Variants in ATAD2B observed in about 807,000 individuals in gnomAD.
The protein encoded by ATAD2B is ATPase family AAA domain containing 2B, also known as ATPase family AAA domain-containing protein 2B.
ATAD2B carries 40 observed loss-of-function variants against 167.6 expected under a neutral mutation model. That is an observed-to-expected ratio of 0.24 (90% CI 0.19 to 0.31). The LOEUF is 0.31. Ranked by LOEUF, ATAD2B falls within the 10% of genes least tolerant of loss-of-function variation. ATAD2B has a pLI of 1.00. For synonymous variants in ATAD2B, 579 were observed against 596.5 expected, an observed-to-expected ratio of 0.97 and a Z score of 0.43; for missense variants, 1,242 against 1,757.2, an observed-to-expected ratio of 0.71 and a Z score of 5.24.
the ATAD2B span, among the ~76,000 whole-genome samples, chr2:23,699,025 C>CACTT: frequency 1.5e-4 from 23 of 152,348 alleles, no homozygotes; most frequent in South Asian, 1.7e-3. Flanking sequence ...TCCAAAAAGA[C>CACTT]ACTTACTCCA....
intron 13 of ATAD2B, among the ~76,000 whole-genome samples, chr2:23,838,378 C>G (rs1007913077): frequency 6.6e-5 from 10 of 152,036 alleles, no homozygotes; most frequent in African/African-American, 2.4e-4. Flanking sequence ...GAAAAGTCTT[C>G]AGACGATAAA....
rs181250116 is a variant in ATAD2B, at chr2:23,808,504, G to A, written c.2454+1812C>T. ...TGCTAATTCCTACGTAAACTTAGTT[G>A]CTATTTCAATTGGGACCTCTTCTTC... is the stretch of plus-strand genomic sequence containing the variant. On this transcript the variant is annotated intron_variant, in intron 18 of 27. Coordinates refer to ENST00000238789, the MANE Select transcript of ATAD2B (RefSeq NM_017552.4). Among the ~76,000 whole-genome samples the A allele has an allele frequency of 4.4e-3, 670 of 151,870 alleles. 3 individuals are homozygous for A. Among genetic ancestry groups the A allele is most frequent in the Non-Finnish European group, 5.0e-3 (342 of 67,930 alleles).
At chr2:23,895,402 G>C (rs901863385) in intron 2 of ATAD2B, among the ~76,000 whole-genome samples, 4 of 151,828 alleles carry the variant, frequency 2.6e-5, no homozygotes, top group Non-Finnish European at 5.9e-5. Context: ...TTAAAAACAG[G>C]ATAATAGATG....
chr2:23,782,512 C>T (rs1196318711), intron 22 of ATAD2B, among the ~76,000 whole-genome samples: 1 of 152,144 alleles, frequency 6.6e-6, no homozygotes, highest in East Asian at 1.9e-4. Context: ...ATAAAAGGAT[C>T]TTTTGACACA....
chr2:23,883,483 G>A (rs916254089), intron 6 of ATAD2B: 2 of 431,782 alleles, frequency 4.6e-6, no homozygotes, highest in African/African-American at 4.3e-5. Flanking sequence ...TGTCTGTACA[G>A]TAACACAGTA....
rs193231283 is a variant in ATAD2B at position 23,792,458 on chromosome 2, C to T, written c.2641-3811G>A. 5.3e-3 allele frequency among the ~76,000 whole-genome samples: 765 copies of T among 144,460 alleles called. 4 individuals are homozygous for T. Among genetic ancestry groups the T allele is most frequent in the African/African-American group, 0.017 (673 of 39,054 alleles). The allele number at this position is 144,460 out of a possible 152,430, so 94.8% of individuals were successfully genotyped here. ...AATAAGAAAAATTAATGGTTAAGAACTTAAGATCTAAAAAAAAAAAAAAGA... is the reference window on the plus strand; with the variant it reads ...AATAAGAAAAATTAATGGTTAAGAATTTAAGATCTAAAAAAAAAAAAAAGA... On this transcript the variant is annotated intron_variant, in intron 19 of 27. Transcript: ENST00000238789.
chr2:23,774,971 A>C (rs888878411), intron 22 of ATAD2B, among the ~76,000 whole-genome samples: 2 of 152,180 alleles, frequency 1.3e-5, no homozygotes, highest in Non-Finnish European at 2.9e-5. Context: ...ATTTATTAAG[A>C]ACATGCTTTA....
intron 18 of ATAD2B, among the ~76,000 whole-genome samples, chr2:23,804,408 G>T (rs1683999470): frequency 6.6e-6 from 1 of 152,078 alleles, no homozygotes; most frequent in South Asian, 2.1e-4. Context: ...TCCAGGAGGG[G>T]TCACTCTAGA....
chr2:23,721,767 G>A, the ATAD2B span, among the ~76,000 whole-genome samples: 1 of 151,504 alleles, frequency 6.6e-6, no homozygotes, highest in Non-Finnish European at 1.5e-5. Flanking sequence ...GCAGTCATGC[G>A]GCTGTGTCCC....
At chr2:23,872,736 AGT>A in intron 8 of ATAD2B, 1 of 1,042,566 alleles carries the variant, frequency 9.6e-7, no homozygotes, top group Non-Finnish European at 1.5e-6. Context: ...AGACCCCCAT[AGT>A]GCTGCTCACT....
chr2:23,919,118 G>A (rs1247815261), intron 1 of ATAD2B, among the ~76,000 whole-genome samples: 3 of 152,064 alleles, frequency 2.0e-5, no homozygotes, highest in Admixed American at 2.0e-4. Context: ...CAAGGTGGGA[G>A]GATTGCTTGA....
At chr2:23,726,956 G>A in the ATAD2B span, among the ~76,000 whole-genome samples, 1 of 152,086 alleles carries the variant, frequency 6.6e-6, no homozygotes, top group East Asian at 1.9e-4. Flanking sequence ...TTTATGCTAT[G>A]TGTATTTTAC....
chr2:23,885,633 T>C, intron 5 of ATAD2B, 94 bp downstream of exon 5: 1 of 673,464 alleles, frequency 1.5e-6, no homozygotes, highest in Non-Finnish European at 2.5e-6. Flanking sequence ...ACACTCATGC[T>C]AATTCAAAAA....
chr2:23,684,992 G>A, the ATAD2B span, among the ~76,000 whole-genome samples: 1 of 152,210 alleles, frequency 6.6e-6, no homozygotes, highest in African/African-American at 2.4e-5. The surrounding 1 kb of genome is among the most constrained non-coding windows in gnomAD (Gnocchi z 4.4). Flanking sequence ...CATCGGCCAG[G>A]CTGTCCCTGC....
chr2:23,778,073 C>T (rs992678301), intron 22 of ATAD2B, among the ~76,000 whole-genome samples: 8 of 151,900 alleles, frequency 5.3e-5, no homozygotes, highest in African/African-American at 1.7e-4. Context: ...CCACTTGCTA[C>T]ACAACACACC....
chr2:23,737,056 G>C, the ATAD2B span, among the ~76,000 whole-genome samples: 5 of 152,210 alleles, frequency 3.3e-5, no homozygotes, highest in African/African-American at 1.2e-4. Context: ...CTGGAAGCTC[G>C]AACTGGATGG....
chr2:23,695,596 G>T, the ATAD2B span: 2 of 1,504,726 alleles, frequency 1.3e-6, no homozygotes. The surrounding 1 kb of genome is among the most constrained non-coding windows in gnomAD (Gnocchi z 7.6). Context: ...GCTAGTCTAA[G>T]AAGATTCTGT....
intron 20 of ATAD2B, among the ~76,000 whole-genome samples, chr2:23,787,452 C>T (rs1680996722): frequency 6.6e-6 from 1 of 151,578 alleles, no homozygotes; most frequent in African/African-American, 2.4e-5. Context: ...TAACAGGAAG[C>T]AACAAAATAA....
At chr2:23,706,334 G>A in the ATAD2B span, 2 of 569,638 alleles carry the variant, frequency 3.5e-6, no homozygotes, top group Admixed American at 4.2e-5. Context: ...GCCAGCCCAG[G>A]TTAGAGGGCA....
Sources: gnomAD v4.1 joint callset for allele counts (sites outside exome capture counted in the v4.1 genomes callset) on GRCh38, gnomAD v4.1.1 for gene constraint, Gnocchi (gnomAD v3.1) non-coding constraint, MANE v1.5 for transcripts, NCBI Gene and HGNC (gene_info 2026-07-23, HGNC 2026-07-21) for gene names.